HSD17B2: variants seen among roughly 807,000 people sequenced by gnomAD.
HSD17B2 encodes the protein 17-beta-hydroxysteroid dehydrogenase type 2.
A neutral mutation model predicts 26.9 loss-of-function variants in HSD17B2; 32 were observed. The ratio of observed to expected loss-of-function variants is 1.19; its 90% CI spans 0.90 to 1.60. The LOEUF is 1.60. Among genes scored for constraint, HSD17B2 ranks in the 40% most tolerant of loss-of-function variants. The pLI, the probability that HSD17B2 is intolerant of heterozygous loss-of-function variation, is 0.00. For missense variants in HSD17B2, 613 were observed against 468.6 expected (o/e 1.31, Z -2.85); for synonymous variants, 246 against 186.7 (o/e 1.32, Z -2.59).
intron 1 of HSD17B2, among the ~76,000 whole-genome samples, chr16:82,058,854 T>C (rs1914352176): frequency 1.3e-5 from 2 of 152,200 alleles, no homozygotes; most frequent in Admixed American, 6.5e-5. Context: ...GGGAGGGTGA[T>C]GAATGGGTCC....
intron 1 of HSD17B2, among the ~76,000 whole-genome samples, chr16:82,043,858 T>A (rs1271628080): frequency 6.6e-6 from 1 of 152,182 alleles, no homozygotes; most frequent in Non-Finnish European, 1.5e-5. Context: ...TTATTTCATT[T>A]TTATACAATG....
At chr16:82,075,820 AT>A (rs1455141076) in intron 3 of HSD17B2, among the ~76,000 whole-genome samples, 1 of 151,204 alleles carries the variant, frequency 6.6e-6, no homozygotes, top group Non-Finnish European at 1.5e-5. Context: ...GTACTCGAGT[AT>A]TCTGAAAAAT....
At chr16:82,091,306 G>C (rs1054675686) in intron 4 of HSD17B2, 79 of 473,598 alleles carry the variant, frequency 1.7e-4, no homozygotes, top group Admixed American at 6.9e-4. Flanking sequence ...CAGTAAGTCA[G>C]ATTAGTGAAA....
At chr16:82,079,870 G>A (rs1370808059) in intron 3 of HSD17B2, among the ~76,000 whole-genome samples, 3 of 152,136 alleles carry the variant, frequency 2.0e-5, no homozygotes, top group South Asian at 2.1e-4. Flanking sequence ...CAAAATCAAT[G>A]TAATAGTAAC....
At chr16:82,070,677 C>T (rs1171566658) in intron 2 of HSD17B2, 10 of 473,510 alleles carry the variant, frequency 2.1e-5, no homozygotes, top group East Asian at 1.7e-4. Context: ...GCAATACCTG[C>T]TGGTTCACTT....
At chr16:82,085,700 C>T (rs1904507439) in intron 3 of HSD17B2, among the ~76,000 whole-genome samples, 1 of 151,982 alleles carries the variant, frequency 6.6e-6, no homozygotes, top group African/African-American at 2.4e-5. Flanking sequence ...GGAGATCTTG[C>T]TAAAAGGCAG....
At chr16:82,041,074 A>T (rs1913753218) in intron 1 of HSD17B2, among the ~76,000 whole-genome samples, 1 of 152,218 alleles carries the variant, frequency 6.6e-6, no homozygotes, top group Non-Finnish European at 1.5e-5. Flanking sequence ...TGAAAGTTTG[A>T]ACAATGATTG....
At chr16:82,053,572 A>G (rs1249812908) in intron 1 of HSD17B2, among the ~76,000 whole-genome samples, 1 of 152,198 alleles carries the variant, frequency 6.6e-6, no homozygotes, top group African/African-American at 2.4e-5. Flanking sequence ...GTTCTCCACT[A>G]GACTGTAAGA....
At chr16:82,058,861 G>A (rs928317693) in intron 1 of HSD17B2, among the ~76,000 whole-genome samples, 1 of 152,206 alleles carries the variant, frequency 6.6e-6, no homozygotes, top group East Asian at 1.9e-4. Flanking sequence ...TGATGAATGG[G>A]TCCAGGGAGC....
intron 3 of HSD17B2, among the ~76,000 whole-genome samples, chr16:82,074,587 C>T (rs1281100276): frequency 1.3e-5 from 2 of 152,002 alleles, no homozygotes; most frequent in African/African-American, 2.4e-5. Flanking sequence ...AGATCAAAAC[C>T]GTAAAAAGAG....
chr16:82,071,351 A>G (rs1914694644), intron 3 of HSD17B2: 2 of 596,056 alleles, frequency 3.4e-6, no homozygotes, highest in South Asian at 1.9e-5. Flanking sequence ...TCCATTTGTT[A>G]CTGGGGATTT....
chr16:82,048,658 G>C (rs149537873), intron 1 of HSD17B2, among the ~76,000 whole-genome samples: 30 of 152,346 alleles, frequency 2.0e-4, no homozygotes, highest in African/African-American at 6.7e-4. Flanking sequence ...GGAGGCTGTT[G>C]CTTAAGAGAT....
chr16:82,072,694 G>A (rs2966245), intron 3 of HSD17B2, among the ~76,000 whole-genome samples: 89,974 of 152,022 alleles, frequency 0.59, 26,968 homozygotes, highest in African/African-American at 0.65. Context: ...CAGTTAATCA[G>A]TGAAGAAATG....
At chr16:82,070,680 G>T in intron 2 of HSD17B2, 2 of 481,792 alleles carry the variant, frequency 4.2e-6, no homozygotes, top group African/African-American at 1.9e-5. Context: ...ATACCTGCTG[G>T]TTCACTTAGT....
At chr16:82,050,544 A>T (rs963932499) in intron 1 of HSD17B2, among the ~76,000 whole-genome samples, 2 of 152,070 alleles carry the variant, frequency 1.3e-5, no homozygotes, top group East Asian at 3.9e-4. Context: ...TTTCTGGCTT[A>T]AGACCCATCA....
chr16:82,097,739 G>C (rs975487942), intron 4 of HSD17B2: 1 of 163,728 alleles, frequency 6.1e-6, no homozygotes, highest in Non-Finnish European at 1.3e-5. Flanking sequence ...AGGAGTTCAA[G>C]ACCAGCCTGG....
intron 1 of HSD17B2, among the ~76,000 whole-genome samples, chr16:82,055,108 G>C (rs1387162117): frequency 5.9e-5 from 9 of 152,234 alleles, no homozygotes; most frequent in Non-Finnish European, 1.3e-4. Flanking sequence ...TTCCCTGGGG[G>C]GGAACTGAAA....
rs757504045 is a variant in HSD17B2, at chr16:82,070,912, C to T, written c.479-30C>T. On this transcript the variant is annotated intron_variant, in intron 2 of 4. Coordinates refer to ENST00000199936, the MANE Select transcript of HSD17B2 (RefSeq NM_002153.3). ...TGTGTTATTCACTTCCTCTTCCAGACACTCACTCATTATGGTTTTCTGTCT... is the reference window on the plus strand; with the variant it reads ...TGTGTTATTCACTTCCTCTTCCAGATACTCACTCATTATGGTTTTCTGTCT... 2.5e-6 allele frequency: 4 copies of T among 1,594,916 alleles called. No homozygotes were observed. The South Asian group carries it at 3.4e-5, about 13-fold the overall frequency.
chr16:82,038,141 T>TA (rs1385299138), intron 1 of HSD17B2, among the ~76,000 whole-genome samples: 1 of 152,138 alleles, frequency 6.6e-6, no homozygotes, highest in Non-Finnish European at 1.5e-5. Flanking sequence ...AAGACAAATT[T>TA]AAAAAAATGA....
Sources: gnomAD v4.1 joint callset for allele counts (sites outside exome capture counted in the v4.1 genomes callset) on GRCh38, gnomAD v4.1.1 for gene constraint, MANE v1.5 for transcripts, NCBI Gene and HGNC (gene_info 2026-07-23, HGNC 2026-07-21) for gene names.